CTNNA3: variants seen among roughly 807,000 people sequenced by gnomAD.
CTNNA3 encodes the protein catenin alpha 3.
A neutral mutation model predicts 95.7 loss-of-function variants in CTNNA3; 76 were observed. The ratio of observed to expected loss-of-function variants is 0.79; its 90% CI spans 0.66 to 0.96. The LOEUF is 0.96. Among genes scored for constraint, CTNNA3 ranks in the 40% least tolerant of loss-of-function variants. The probability of loss-of-function intolerance (pLI) is 0.00; values close to 1 mark genes in which losing one functional copy is unlikely to be tolerated. For synonymous variants in CTNNA3, 431 were observed against 374.4 expected (o/e 1.15, Z -1.74); for missense variants, 1,191 against 1,089.8 (o/e 1.09, Z -1.31).
At chr10:65,924,886 G>A (rs1430896761) in intron 17 of CTNNA3, among the ~76,000 whole-genome samples, 1 of 152,186 alleles carries the variant, frequency 6.6e-6, no homozygotes, top group Non-Finnish European at 1.5e-5. Flanking sequence ...GCAAGAGAGT[G>A]TGTGCAGAGG....
chr10:67,214,125 T>G (rs1455432423), intron 6 of CTNNA3, among the ~76,000 whole-genome samples: 2 of 151,822 alleles, frequency 1.3e-5, no homozygotes, highest in African/African-American at 4.8e-5. Flanking sequence ...TTACATTTAT[T>G]ATGATTCCAA....
chr10:66,473,284 C>G (rs1839199770), intron 11 of CTNNA3, among the ~76,000 whole-genome samples: 1 of 151,826 alleles, frequency 6.6e-6, no homozygotes, highest in South Asian at 2.1e-4. Context: ...GGGCAGTTCT[C>G]CCATGCTGTT....
intron 5 of CTNNA3, among the ~76,000 whole-genome samples, chr10:67,370,607 C>A (rs1455452196): frequency 6.6e-6 from 1 of 152,002 alleles, no homozygotes; most frequent in Non-Finnish European, 1.5e-5. Flanking sequence ...TTGTTAATTT[C>A]CCTTCATGGT....
At chr10:67,454,688 C>T (rs1235280808) in intron 5 of CTNNA3, among the ~76,000 whole-genome samples, 2 of 151,910 alleles carry the variant, frequency 1.3e-5, no homozygotes, top group African/African-American at 4.8e-5. Flanking sequence ...TAACGATGTT[C>T]AACTCTAACA....
chr10:66,274,113 G>A (rs370792149), intron 13 of CTNNA3, among the ~76,000 whole-genome samples: 1 of 152,128 alleles, frequency 6.6e-6, no homozygotes, highest in East Asian at 1.9e-4. Flanking sequence ...TTTCTGTAAA[G>A]GGTCAGGTAG....
At chr10:66,729,632 G>T (rs117674136) in intron 9 of CTNNA3, among the ~76,000 whole-genome samples, 1,632 of 152,268 alleles carry the variant, frequency 0.011, 16 homozygotes, top group Admixed American at 0.024. Flanking sequence ...GAACTTTGGG[G>T]ACTCAGGGGA....
chr10:67,738,501 G>C (rs1246259675), intron 1 of CTNNA3, among the ~76,000 whole-genome samples: 1 of 152,158 alleles, frequency 6.6e-6, no homozygotes, highest in Non-Finnish European at 1.5e-5. Context: ...AAACAGAGCA[G>C]AAAAACTGGA....
At chr10:67,115,688 A>G (rs1440785886) in intron 7 of CTNNA3, among the ~76,000 whole-genome samples, 1 of 151,820 alleles carries the variant, frequency 6.6e-6, no homozygotes, top group Non-Finnish European at 1.5e-5. Flanking sequence ...ATAAAAATAA[A>G]TAAACAGATT....
chr10:66,725,557 A>T (rs1447842395), intron 9 of CTNNA3, among the ~76,000 whole-genome samples: 3 of 152,128 alleles, frequency 2.0e-5, no homozygotes, highest in Non-Finnish European at 4.4e-5. Context: ...GCCCTCTGTC[A>T]ACTTAGAATC....
intron 2 of CTNNA3, among the ~76,000 whole-genome samples, chr10:67,612,296 A>C (rs568665558): frequency 6.6e-6 from 1 of 152,232 alleles, no homozygotes; most frequent in Non-Finnish European, 1.5e-5. Flanking sequence ...AACTAGTTGC[A>C]ACATTAAAGG....
At chr10:66,331,142 A>G (rs1157076254) in intron 12 of CTNNA3, among the ~76,000 whole-genome samples, 3 of 151,920 alleles carry the variant, frequency 2.0e-5, no homozygotes, top group African/African-American at 7.2e-5. Flanking sequence ...GTCCTTGCCC[A>G]TACCTATGTC....
At chr10:66,145,563 CCTT>C (rs1278317733) in intron 13 of CTNNA3, among the ~76,000 whole-genome samples, 1 of 151,984 alleles carries the variant, frequency 6.6e-6, no homozygotes, top group African/African-American at 2.4e-5. Flanking sequence ...AAAAATAGGT[CCTT>C]CTTGGTGAAG....
At chr10:66,679,397 G>T (rs1846985238) in intron 9 of CTNNA3, among the ~76,000 whole-genome samples, 1 of 152,114 alleles carries the variant, frequency 6.6e-6, no homozygotes, top group Admixed American at 6.6e-5. Flanking sequence ...TAACAAACAA[G>T]AATTCAGATT....
chr10:66,384,707 C>A (rs1269774772), intron 11 of CTNNA3, among the ~76,000 whole-genome samples: 1 of 152,138 alleles, frequency 6.6e-6, no homozygotes, highest in East Asian at 1.9e-4. Flanking sequence ...TACTCCTTAG[C>A]AAATCTAAAC....
At chr10:67,422,781 T>C (rs1471436464) in intron 5 of CTNNA3, among the ~76,000 whole-genome samples, 1 of 152,168 alleles carries the variant, frequency 6.6e-6, no homozygotes, top group Non-Finnish European at 1.5e-5. Flanking sequence ...CCATGCTTCC[T>C]GTACAGCCTG....
intron 5 of CTNNA3, among the ~76,000 whole-genome samples, chr10:67,380,203 A>T (rs907315083): frequency 6.6e-6 from 1 of 152,116 alleles, no homozygotes; most frequent in African/African-American, 2.4e-5. Flanking sequence ...GAAAGATTAT[A>T]TTTTCATTCA....
chr10:66,970,958 T>C (rs996667333), intron 7 of CTNNA3, among the ~76,000 whole-genome samples: 1 of 152,226 alleles, frequency 6.6e-6, no homozygotes, highest in South Asian at 2.1e-4. Flanking sequence ...CTATTAATTG[T>C]GCCAGGATTT....
At chr10:67,705,891 A>G (rs1479609219) in intron 1 of CTNNA3, among the ~76,000 whole-genome samples, 1 of 152,114 alleles carries the variant, frequency 6.6e-6, no homozygotes, top group South Asian at 2.1e-4. Context: ...TGCAGAGTCC[A>G]ATTAACTAGA....
At chr10:67,081,225 G>C (rs913594817) in intron 7 of CTNNA3, among the ~76,000 whole-genome samples, 1 of 152,144 alleles carries the variant, frequency 6.6e-6, no homozygotes, top group Non-Finnish European at 1.5e-5. Context: ...AATGACTGTT[G>C]GCAGGGCATT....
Sources: allele counts gnomAD v4.1 joint callset (sites outside exome capture counted in the v4.1 genomes callset), GRCh38; gene constraint gnomAD v4.1.1; transcripts MANE v1.5; gene names NCBI Gene and HGNC (gene_info 2026-07-23, HGNC 2026-07-21).